Variants in TEX26 observed in about 807,000 individuals in gnomAD.
The protein encoded by TEX26 is testis-expressed protein 26.
In TEX26, 34 loss-of-function variants were observed where a neutral mutation model predicts 35.3. The ratio of observed to expected loss-of-function variants is 0.96; its 90% confidence interval spans 0.73 to 1.28. TEX26 has a LOEUF of 1.28. Ranked by LOEUF, TEX26 falls within the 50% of genes most tolerant of loss-of-function variation. The probability of loss-of-function intolerance (pLI) is 0.00; values close to 1 mark genes in which losing one functional copy is unlikely to be tolerated. For missense variants in TEX26, 371 were observed against 330.1 expected (o/e 1.12, Z -0.96); for synonymous variants, 136 against 111.8 (o/e 1.22, Z -1.36).
At chr13:30,956,789 A>G in intron 3 of TEX26, 84 bp from the exon 4 acceptor site, 1 of 1,264,370 alleles carries the variant, frequency 7.9e-7, no homozygotes, top group African/African-American at 1.5e-5. Context: ...ATTCTGAAGA[A>G]TATGTGCACA....
At chr13:30,932,883 T>C in intron 1 of TEX26, 107 bp downstream of exon 1, 1 of 1,254,474 alleles carries the variant, frequency 8.0e-7, no homozygotes, top group South Asian at 1.4e-5. Flanking sequence ...GTGGCATCGC[T>C]CTTAGGAGTA....
At chr13:30,956,736 C>T (rs1954146173) in intron 3 of TEX26, 137 bp from the exon 4 acceptor site, 4 of 728,110 alleles carry the variant, frequency 5.5e-6, no homozygotes, top group East Asian at 5.4e-5. Flanking sequence ...TGTTGACGGG[C>T]TCCCAGCATC....
intron 2 of TEX26, among the ~76,000 whole-genome samples, chr13:30,952,046 G>GTTTTTTTTTTTTT (rs1953947502): frequency 5.0e-5 from 1 of 20,152 alleles, no homozygotes; most frequent in African/African-American, 2.2e-4. Flanking sequence ...TTTTTTTTTG[G>GTTTTTTTTTTTTT]TCTCCATGAT....
At chr13:30,937,470 C>T (rs1191452944) in intron 1 of TEX26, among the ~76,000 whole-genome samples, 1 of 152,008 alleles carries the variant, frequency 6.6e-6, no homozygotes, top group Non-Finnish European at 1.5e-5. Flanking sequence ...CCTGATTGTT[C>T]CGAAAGTCCA....
chr13:30,966,303 G>C lies in TEX26; in HGVS notation c.551G>C (p.Arg184Thr). Reference protein sequence around the residue: ...LPQPPDTEFRRNYQIPAKIPE... With the variant: ...LPQPPDTEFRTNYQIPAKIPE... ...CAACCTCCAGACACTGAATTCCGAA[G>C]GAATTACCAAATTCCAGCTAAAATT... Residue 184 changes from arginine (R) to threonine (T), a missense_variant, in exon 5 of 7, where the codon AGG becomes ACG. By Grantham distance (71) the Arg-to-Thr change is moderately conservative. Coordinates refer to ENST00000380473, the MANE Select transcript of TEX26 (RefSeq NM_152325.3). The C allele has an allele frequency of 6.2e-7, 1 of 1,614,024 alleles. No homozygotes were observed. The highest frequency in any genetic ancestry group is 8.5e-7 in the Non-Finnish European group (1 of 1,180,012).
Position 30,950,353 on chromosome 13 carries a change from C to T in TEX26, c.147-2307C>T, listed in dbSNP as rs372494311. 5.3e-5 allele frequency among the ~76,000 whole-genome samples: 8 copies of T among 152,036 alleles called. 1 individual carries two copies. The South Asian group carries it at 1.5e-3, about 28-fold the overall frequency. On this transcript the variant is annotated intron_variant, in intron 2 of 6. Transcript: ENST00000380473. ...CCCAGGAAGTGGAGGTTGCTCCACC[C>T]TGGGTGACAGAGTAAGACTCTGTCA...
rs753985939 is a variant in TEX26 at position 30,932,817 on chromosome 13, G to T, written c.61+41G>T. 20 of 1,600,512 alleles carry T rather than the reference G, an allele frequency of 1.2e-5. No homozygotes were observed. The South Asian group carries it at 2.3e-4, about 18-fold the overall frequency. On this transcript the variant is annotated intron_variant, in intron 1 of 6. Coordinates refer to ENST00000380473, the MANE Select transcript of TEX26 (RefSeq NM_152325.3). ...CTGCCGGTCTGCGGGGCGGGGCTGG[G>T]GTCTTTCCCGGGGAAAGGGTCCTGT... is the stretch of plus-strand genomic sequence containing the variant.
chr13:30,972,499 A>G (rs1346286099), intron 6 of TEX26, among the ~76,000 whole-genome samples: 1 of 152,348 alleles, frequency 6.6e-6, no homozygotes, highest in African/African-American at 2.4e-5. Flanking sequence ...GGTAATAGAC[A>G]ATGCTTAAAA....
At chr13:30,970,076 A>C (rs1424429719) in intron 6 of TEX26, among the ~76,000 whole-genome samples, 1 of 151,962 alleles carries the variant, frequency 6.6e-6, no homozygotes, top group Non-Finnish European at 1.5e-5. Context: ...CACCTCTGAA[A>C]TCCTCGCTGA....
intron 4 of TEX26, among the ~76,000 whole-genome samples, chr13:30,957,794 T>C (rs1954193303): frequency 6.6e-6 from 1 of 152,194 alleles, no homozygotes. Context: ...CCCACCCCAG[T>C]GCCTGGCTTA....
At chr13:30,955,550 G>T (rs1230488301) in intron 3 of TEX26, among the ~76,000 whole-genome samples, 1 of 152,206 alleles carries the variant, frequency 6.6e-6, no homozygotes, top group African/African-American at 2.4e-5. Context: ...TTGGGACAGC[G>T]AGTATACCTA....
At chr13:30,969,594 A>T (rs1256009375) in intron 6 of TEX26, among the ~76,000 whole-genome samples, 1 of 152,112 alleles carries the variant, frequency 6.6e-6, no homozygotes, top group Non-Finnish European at 1.5e-5. Context: ...TAGGGGCAAC[A>T]GGTCAGTCTG....
intron 3 of TEX26, among the ~76,000 whole-genome samples, chr13:30,953,968 A>C (rs1476664467): frequency 1.3e-5 from 2 of 152,138 alleles, no homozygotes; most frequent in Non-Finnish European, 2.9e-5. Context: ...ATAATGTTCA[A>C]CTTCTGACTT....
At chr13:30,933,820 G>C (rs145378693) in intron 1 of TEX26, 2 of 152,172 alleles carry the variant, frequency 1.3e-5, no homozygotes, top group African/African-American at 4.8e-5. Flanking sequence ...TTTTCCCACT[G>C]TCTCCCCATT....
chr13:30,964,107 C>A (rs1474836039), intron 4 of TEX26, among the ~76,000 whole-genome samples: 4 of 152,196 alleles, frequency 2.6e-5, no homozygotes, highest in African/African-American at 9.7e-5. Flanking sequence ...ACTGCCTTTT[C>A]GTCCTTGTCA....
chr13:30,968,796 C>A, intron 5 of TEX26, 89 bp from the exon 6 acceptor site: 1 of 1,254,032 alleles, frequency 8.0e-7, no homozygotes, highest in Non-Finnish European at 1.1e-6. Context: ...GGGCTGGGGG[C>A]TGTCAGGGTC....
At chr13:30,949,246 G>A (rs976694964) in intron 2 of TEX26, among the ~76,000 whole-genome samples, 1 of 152,078 alleles carries the variant, frequency 6.6e-6, no homozygotes, top group Non-Finnish European at 1.5e-5. Flanking sequence ...AACCAAAAAA[G>A]AGCCCACATT....
At chr13:30,943,440 G>A (rs1953587907) in intron 2 of TEX26, among the ~76,000 whole-genome samples, 1 of 152,004 alleles carries the variant, frequency 6.6e-6, no homozygotes, top group African/African-American at 2.4e-5. Flanking sequence ...CTTTTCAAAT[G>A]TGGATACACT....
chr13:30,951,566 C>T (rs1022937031), intron 2 of TEX26, among the ~76,000 whole-genome samples: 1 of 151,986 alleles, frequency 6.6e-6, no homozygotes, highest in African/African-American at 2.4e-5. Context: ...AAGGAACACA[C>T]AACAAATCCC....
Sources: gnomAD v4.1 joint callset for allele counts (sites outside exome capture counted in the v4.1 genomes callset) on GRCh38, gnomAD v4.1.1 for gene constraint, MANE v1.5 for transcripts, NCBI Gene and HGNC (gene_info 2026-07-23, HGNC 2026-07-21) for gene names.